The following TECPR2 variants were observed in gnomAD, a reference collection of about 807,000 sequenced individuals.
TECPR2 encodes the protein tectonin beta-propeller repeat containing 2, also known as tectonin beta-propeller repeat-containing protein 2.
A neutral mutation model predicts 138.1 loss-of-function variants in TECPR2; 65 were observed. The observed-to-expected ratio is 0.47, with a 90% CI of 0.39 to 0.58. The LOEUF (loss-of-function observed/expected upper bound fraction) is 0.58. Among genes scored for constraint, TECPR2 ranks in the 20% least tolerant of loss-of-function variants. TECPR2 has a pLI of 0.00. For missense variants in TECPR2, 1,553 were observed against 1,824.5 expected (o/e 0.85, Z 2.71); for synonymous variants, 746 against 749.8 (o/e 0.99, Z 0.08).
intron 4 of TECPR2, among the ~76,000 whole-genome samples, chr14:102,410,970 A>C (rs1299826222): frequency 2.0e-5 from 3 of 152,306 alleles, no homozygotes; most frequent in Admixed American, 2.0e-4. Flanking sequence ...CAATTCTTAG[A>C]CCTTTTATAC....
chr14:102,378,187 G>A (rs1394470199), intron 2 of TECPR2, among the ~76,000 whole-genome samples: 3 of 152,118 alleles, frequency 2.0e-5, no homozygotes, highest in Admixed American at 6.6e-5. Flanking sequence ...TGTGGTTAGG[G>A]GGCTTTTATG....
Position 102,499,015 on chromosome 14 carries a change from G to A in TECPR2, c.*758G>A, listed in dbSNP as rs139904968. 1.6e-3 allele frequency: 1,120 copies of A among 695,950 alleles called. 13 individuals are homozygous for A. In the East Asian group the frequency reaches 0.021, roughly 13 times the overall value. 43.1% of individuals were successfully genotyped at this position (695,950 alleles called of 1,614,324 possible). A position where few individuals can be genotyped will look rare whatever the true frequency, so the allele number is the denominator to read the frequency against. On this transcript the variant is annotated 3_prime_UTR_variant, in exon 20 of 20. Coordinates refer to ENST00000359520, the MANE Select transcript of TECPR2 (RefSeq NM_014844.5). ...GCACTGCACCGCACCGCACCGCACC[G>A]TACCTCGCCACATCTCACCACACCA...
Position 102,413,430 on chromosome 14 carries a change from A to T in TECPR2, c.481-1206A>T, listed in dbSNP as rs147223280. Among the ~76,000 whole-genome samples, 348 of 150,830 alleles carry T rather than the reference A, an allele frequency of 2.3e-3. 12 individuals carry two copies. In the East Asian group the frequency reaches 0.048, roughly 21 times the overall value. ...AGTCTCACTGTGTTGCCCAGGCTGGAGTGCAGTGGTGCGATCTTGGCTCAC... is the reference window on the plus strand; with the variant it reads ...AGTCTCACTGTGTTGCCCAGGCTGGTGTGCAGTGGTGCGATCTTGGCTCAC... On this transcript the variant is annotated intron_variant, in intron 4 of 19. Coordinates refer to ENST00000359520, the MANE Select transcript of TECPR2 (RefSeq NM_014844.5).
At chr14:102,444,968 GCAA>G (rs139068172) in intron 12 of TECPR2, among the ~76,000 whole-genome samples, 2 of 152,152 alleles carry the variant, frequency 1.3e-5, no homozygotes, top group Non-Finnish European at 2.9e-5. Flanking sequence ...ACAAAAAAAA[GCAA>G]CAACAACAAA....
chr14:102,416,224 C>A (rs548505509), intron 5 of TECPR2, among the ~76,000 whole-genome samples: 1 of 152,126 alleles, frequency 6.6e-6, no homozygotes, highest in Non-Finnish European at 1.5e-5. Context: ...TGGGTTCAAG[C>A]GATTCTCCTG....
At chr14:102,465,630 A>G (rs904631475) in intron 17 of TECPR2, 2 of 1,001,396 alleles carry the variant, frequency 2.0e-6, no homozygotes, top group African/African-American at 1.7e-5. Flanking sequence ...ATGATAATAA[A>G]TCAGTACCCA....
rs767622790 is a variant in TECPR2 at position 102,376,816 on chromosome 14, G to A, written c.95G>A (p.Arg32His). The A allele has an allele frequency of 2.0e-5, 32 of 1,614,048 alleles. No homozygotes were observed. The highest frequency in any genetic ancestry group is 4.5e-5 in the East Asian group (2 of 44,892). ...CCGACAAAGATCCAGAAGGGTTTCC[G>A]CTCTATCGTGGTCTATCTCACGGCC... ...AIPTKIQKGF[R>H]SIVVYLTALD... is the part of the protein sequence containing the mutation. The change falls in exon 2 of 20, where the codon CGC (arginine) becomes CAC (histidine). Residue 32 changes from arginine to histidine, a missense_variant. Coordinates refer to ENST00000359520, the MANE Select transcript of TECPR2 (RefSeq NM_014844.5).
At position 102,499,951 on chromosome 14, in the gene TECPR2, G is replaced by A. The variant is rs995081837; in HGVS notation, c.*1694G>A. On this transcript the variant is annotated 3_prime_UTR_variant, in exon 20 of 20. Transcript: ENST00000359520. ...CTAGAACCTTTTGTAAAAGTTGGTG[G>A]CAGCAGAGGCAGCCCCAGGCCGGGC... 12 of 152,794 alleles carry A rather than the reference G, an allele frequency of 7.9e-5. No homozygotes were observed. Among genetic ancestry groups the A allele is most frequent in the African/African-American group, 2.7e-4 (11 of 41,456 alleles). 9.5% of individuals were successfully genotyped at this position (152,794 alleles called of 1,614,324 possible).
chr14:102,392,272 C>T (rs1336868849), intron 2 of TECPR2, among the ~76,000 whole-genome samples: 1 of 152,144 alleles, frequency 6.6e-6, no homozygotes, highest in African/African-American at 2.4e-5. Context: ...GGATTACAGG[C>T]GTGAGCCACT....
chr14:102,458,118 C>T (rs1890318694), intron 16 of TECPR2, among the ~76,000 whole-genome samples: 1 of 151,772 alleles, frequency 6.6e-6, no homozygotes, highest in Non-Finnish European at 1.5e-5. Context: ...AGGTGATCCA[C>T]CCGCCTCAGC....
Position 102,498,938 on chromosome 14 carries a change from A to G in TECPR2, c.*681A>G, listed in dbSNP as rs1567367287. 4.3e-6 allele frequency: 3 copies of G among 689,664 alleles called. No homozygotes were observed. Among genetic ancestry groups the G allele is most frequent in the Non-Finnish European group, 8.0e-6 (3 of 377,358 alleles). 42.7% of individuals were successfully genotyped at this position (689,664 alleles called of 1,614,324 possible). On this transcript the variant is annotated 3_prime_UTR_variant, in exon 20 of 20. Coordinates refer to ENST00000359520, the MANE Select transcript of TECPR2 (RefSeq NM_014844.5). ...ACCGCACTGCACCATACCTCACCACATCTCACCACACCACAGCACACCTCA... is the reference window on the plus strand; with the variant it reads ...ACCGCACTGCACCATACCTCACCACGTCTCACCACACCACAGCACACCTCA...
chr14:102,402,837 C>A (rs1407472226), intron 2 of TECPR2, among the ~76,000 whole-genome samples: 1 of 151,972 alleles, frequency 6.6e-6, no homozygotes, highest in Non-Finnish European at 1.5e-5. Flanking sequence ...GAGACTAAAC[C>A]GTGAAAAAAT....
intron 1 of TECPR2, among the ~76,000 whole-genome samples, chr14:102,370,023 T>C (rs1043904562): frequency 1.3e-5 from 2 of 151,268 alleles, no homozygotes; most frequent in Non-Finnish European, 2.9e-5. Context: ...CACCTCAACC[T>C]CCCAAAGTAC....
intron 16 of TECPR2, among the ~76,000 whole-genome samples, chr14:102,462,207 T>G (rs1486384501): frequency 6.6e-6 from 1 of 152,206 alleles, no homozygotes; most frequent in Non-Finnish European, 1.5e-5. Context: ...GTAGTTTCTC[T>G]TAGAGGCAGG....
At chr14:102,421,316 G>A (rs557841903) in intron 5 of TECPR2, among the ~76,000 whole-genome samples, 7 of 152,336 alleles carry the variant, frequency 4.6e-5, no homozygotes, top group African/African-American at 1.4e-4. Flanking sequence ...AATCAGATAC[G>A]ATGCTGTTGA....
chr14:102,397,008 C>A (rs1339570558), intron 2 of TECPR2, among the ~76,000 whole-genome samples: 1 of 152,136 alleles, frequency 6.6e-6, no homozygotes, highest in Non-Finnish European at 1.5e-5. Flanking sequence ...CCTTGCTTCA[C>A]TTTTATTTTT....
At chr14:102,365,259 G>A (rs937622884) in intron 1 of TECPR2, among the ~76,000 whole-genome samples, 2 of 152,198 alleles carry the variant, frequency 1.3e-5, no homozygotes, top group African/African-American at 4.8e-5. Flanking sequence ...CATTGAAGGG[G>A]AGAGAAAACA....
intron 2 of TECPR2, among the ~76,000 whole-genome samples, 186 bp from the exon 3 acceptor site, chr14:102,407,152 G>T (rs927364950): frequency 6.6e-6 from 1 of 152,144 alleles, no homozygotes; most frequent in Non-Finnish European, 1.5e-5. Flanking sequence ...GATCCACCAC[G>T]CCCAGCCCTG....
intron 17 of TECPR2, among the ~76,000 whole-genome samples, chr14:102,476,381 A>AAAG (rs35568399): frequency 4.7e-5 from 7 of 149,066 alleles, no homozygotes; most frequent in Admixed American, 1.3e-4. Context: ...AAAAAAAAAA[A>AAAG]CAACAAAACA....
Sources: allele counts gnomAD v4.1 joint callset (sites outside exome capture counted in the v4.1 genomes callset), GRCh38; gene constraint gnomAD v4.1.1; transcripts MANE v1.5; gene names NCBI Gene and HGNC (gene_info 2026-07-23, HGNC 2026-07-21).